SNRPB2: variants seen among roughly 807,000 people sequenced by gnomAD.
The protein encoded by SNRPB2 is U2 small nuclear ribonucleoprotein B''.
Under a neutral mutation model 26.3 loss-of-function variants are expected in SNRPB2, and 16 were observed. The observed-to-expected ratio is 0.61, with a 90% CI of 0.41 to 0.92. The LOEUF (loss-of-function observed/expected upper bound fraction) is 0.92. SNRPB2 is among the 40% of genes least tolerant of loss of function. The pLI, the probability that SNRPB2 is intolerant of heterozygous loss-of-function variation, is 0.00. For missense variants in SNRPB2, 179 were observed against 268.1 expected, an observed-to-expected ratio of 0.67 and a Z score of 2.32; for synonymous variants, 75 against 89.0, an observed-to-expected ratio of 0.84 and a Z score of 0.88.
rs1410814577 is a variant in SNRPB2 at position 16,741,937 on chromosome 20, A to G, written c.*932A>G. ...GACAATTTGTTTTTACAAGTATGGT[A>G]CATATTAATAGTAACAACAACAAAA... On this transcript the variant is annotated 3_prime_UTR_variant, in exon 7 of 7. Coordinates refer to ENST00000246071, the MANE Select transcript of SNRPB2 (RefSeq NM_003092.5). 1.3e-5 allele frequency: 2 copies of G among 152,218 alleles called. No homozygotes were observed. The highest frequency in any genetic ancestry group is 3.8e-4 in the East Asian group (2 of 5,202). The allele number at this position is 152,218 out of a possible 1,614,324, so 9.4% of individuals were successfully genotyped here. A position where few individuals can be genotyped will look rare whatever the true frequency, so the allele number is the denominator to read the frequency against.
intron 4 of SNRPB2, among the ~76,000 whole-genome samples, chr20:16,738,203 G>T (rs755996502): frequency 1.2e-4 from 19 of 152,104 alleles, no homozygotes; most frequent in South Asian, 8.3e-4. Flanking sequence ...CACTTTGGGA[G>T]GCTGAGGTGG....
chr20:16,736,898 G>A (rs967413250), intron 3 of SNRPB2, among the ~76,000 whole-genome samples: 9 of 152,178 alleles, frequency 5.9e-5, no homozygotes, highest in African/African-American at 2.2e-4. Context: ...AACAGTTCAG[G>A]ATTCCAAAGC....
intron 3 of SNRPB2, among the ~76,000 whole-genome samples, chr20:16,733,005 G>C (rs748968888): frequency 6.6e-6 from 1 of 152,180 alleles, no homozygotes; most frequent in Non-Finnish European, 1.5e-5. Context: ...GTGAAGCAAG[G>C]GGTTTCTATG....
intron 3 of SNRPB2, among the ~76,000 whole-genome samples, chr20:16,735,246 A>T (rs1229038159): frequency 6.6e-6 from 1 of 151,238 alleles, no homozygotes; most frequent in Non-Finnish European, 1.5e-5. Flanking sequence ...TCAGATCAAG[A>T]TCAAATTCTT....
intron 5 of SNRPB2, 55 bp from the exon 6 acceptor site, chr20:16,740,270 G>A: frequency 6.3e-7 from 1 of 1,596,986 alleles, no homozygotes; most frequent in South Asian, 1.1e-5. Context: ...CACATGCCTA[G>A]CTTACGATGC....
intron 4 of SNRPB2, among the ~76,000 whole-genome samples, chr20:16,738,273 T>C (rs1317294352): frequency 1.3e-5 from 2 of 151,508 alleles, no homozygotes; most frequent in Non-Finnish European, 2.9e-5. Context: ...ATACCCCGTC[T>C]CTACTAAAAA....
At chr20:16,738,603 C>G (rs1189560143) in intron 4 of SNRPB2, among the ~76,000 whole-genome samples, 1 of 151,950 alleles carries the variant, frequency 6.6e-6, no homozygotes, top group Non-Finnish European at 1.5e-5. Context: ...AATTTTAAAG[C>G]TAAGAGGTTA....
chr20:16,733,958 G>C (rs2072409582), intron 3 of SNRPB2, among the ~76,000 whole-genome samples: 1 of 152,114 alleles, frequency 6.6e-6, no homozygotes. Flanking sequence ...GTAGTATAAA[G>C]AAACACCATA....
At chr20:16,740,795 G>A in intron 6 of SNRPB2, 51 bp from the exon 7 acceptor site, 2 of 1,390,434 alleles carry the variant, frequency 1.4e-6, no homozygotes, top group South Asian at 2.5e-5. Context: ...TTAACACAAA[G>A]CAAACATTTA....
intron 2 of SNRPB2, 65 bp from the exon 3 acceptor site, chr20:16,732,099 C>T: frequency 1.0e-6 from 1 of 962,052 alleles, no homozygotes; most frequent in Non-Finnish European, 1.6e-6. Flanking sequence ...AATGCAGTAT[C>T]ATTTTATGAA....
At position 16,738,847 on chromosome 20, in the gene SNRPB2, C is replaced by T. The variant is rs559869884; in HGVS notation, c.379-5C>T. The T allele has an allele frequency of 1.5e-5, 23 of 1,575,112 alleles. No homozygotes were observed. In the South Asian group the frequency reaches 2.1e-4, roughly 14 times the overall value. ...ATTTAAACTCTCCCTATTTATTTTG[C>T]TTAGGGAACTCCAAATTCAGCTAAT... On this transcript the variant is annotated splice_region_variant and splice_polypyrimidine_tract_variant and intron_variant, in intron 4 of 6. Transcript: ENST00000246071.
intron 3 of SNRPB2, among the ~76,000 whole-genome samples, chr20:16,734,003 G>C (rs1421458453): frequency 1.3e-5 from 2 of 152,058 alleles, no homozygotes; most frequent in East Asian, 3.9e-4. Context: ...ATAGGGCCTG[G>C]GTTTTAGCTT....
intron 4 of SNRPB2, among the ~76,000 whole-genome samples, chr20:16,738,349 A>T (rs530092552): frequency 1.3e-5 from 2 of 150,934 alleles, no homozygotes; most frequent in Non-Finnish European, 3.0e-5. Context: ...GGCTTGAAGC[A>T]GGAGAATTGG....
chr20:16,730,293 T>G (rs1045755748), intron 1 of SNRPB2, 129 bp downstream of exon 1: 12 of 152,932 alleles, frequency 7.8e-5, no homozygotes, highest in African/African-American at 2.6e-4. Context: ...GCGAAGGTGC[T>G]TGTGTCTGGA....
At chr20:16,731,801 A>G in intron 2 of SNRPB2, 35 bp downstream of exon 2, 1 of 1,609,780 alleles carries the variant, frequency 6.2e-7, no homozygotes, top group South Asian at 1.1e-5. Flanking sequence ...TCACTACTAA[A>G]ATGTGTTTAT....
intron 4 of SNRPB2, among the ~76,000 whole-genome samples, chr20:16,737,732 T>C (rs867010738): frequency 5.9e-5 from 9 of 152,158 alleles, no homozygotes; most frequent in African/African-American, 2.2e-4. Flanking sequence ...TAATCATGAG[T>C]ACTTCACTCA....
chr20:16,732,455 G>T (rs1411311413), intron 3 of SNRPB2, 119 bp downstream of exon 3: 2 of 607,696 alleles, frequency 3.3e-6, no homozygotes, highest in Non-Finnish European at 5.6e-6. Context: ...ATGTGTGTTT[G>T]GGTTTATGTA....
intron 3 of SNRPB2, among the ~76,000 whole-genome samples, chr20:16,736,648 C>T (rs17759234): frequency 0.48 from 73,033 of 151,824 alleles, 19,510 homozygotes; most frequent in African/African-American, 0.73. Flanking sequence ...TCTAGAATGG[C>T]GATTTTCTTT....
chr20:16,740,532 T>A, intron 6 of SNRPB2, 119 bp downstream of exon 6: 1 of 1,469,712 alleles, frequency 6.8e-7, no homozygotes, highest in South Asian at 1.4e-5. Context: ...ATTGATTTGG[T>A]TTGGGATGAA....
Sources: allele counts gnomAD v4.1 joint callset (sites outside exome capture counted in the v4.1 genomes callset), GRCh38; gene constraint gnomAD v4.1.1; transcripts MANE v1.5; gene names NCBI Gene and HGNC (gene_info 2026-07-23, HGNC 2026-07-21).